The following NID2 variants were observed in gnomAD, a reference collection of about 807,000 sequenced individuals.
NID2 encodes the protein nidogen-2.
A neutral mutation model predicts 145.4 loss-of-function variants in NID2; 83 were observed. That is an observed-to-expected ratio of 0.57 (90% CI 0.48 to 0.69). The LOEUF (loss-of-function observed/expected upper bound fraction) is 0.69. Ranked by LOEUF, NID2 falls within the 30% of genes least tolerant of loss-of-function variation. The pLI is 0.00. For missense variants in NID2, 1,807 were observed against 1,765.7 expected, an observed-to-expected ratio of 1.02 and a Z score of -0.42; for synonymous variants, 739 against 701.3, an observed-to-expected ratio of 1.05 and a Z score of -0.85.
In NID2 at chr14:52,033,049, T is replaced by G. The variant is rs75658396; in HGVS notation, c.2258-3359A>C. 5.2e-3 allele frequency among the ~76,000 whole-genome samples: 793 copies of G among 152,342 alleles called. 11 individuals carry two copies. The highest frequency in any genetic ancestry group is 0.018 in the African/African-American group (755 of 41,568). On this transcript the variant is annotated intron_variant, in intron 9 of 21. Coordinates refer to ENST00000216286, the MANE Select transcript of NID2 (RefSeq NM_007361.4). ...GAGCACAGGGCCCCATTCACTGAAC[T>G]TGGCTTCCCAAAACATTTTTAAAAT...
At chr14:52,005,981 G>A (rs1032777162) in intron 20 of NID2, 132 bp from the exon 21 acceptor site, 1 of 662,978 alleles carries the variant, frequency 1.5e-6, no homozygotes, top group Admixed American at 2.2e-5. Context: ...TGGTGCTAAA[G>A]CCATACTGAA....
Position 52,028,729 on chromosome 14 carries a change from A to T in NID2, c.2523T>A (p.Thr841=), listed in dbSNP as rs1193093422. 1 of 1,611,246 alleles carries T rather than the reference A, an allele frequency of 6.2e-7. No individual in the cohort carries two copies. Among genetic ancestry groups the T allele is most frequent in the East Asian group, 2.2e-5 (1 of 44,796 alleles). The change falls in exon 11 of 22, where the codon ACT becomes ACA. Residue 841 remains threonine, a synonymous_variant. Transcript: ENST00000216286. ...AATGATTTTGGAACTCACAGATGCA[A>T]GTATGCCGGTCATCTGCAAACTCAT... ...SGYEFADDRH[T]CILITPPANP...
chr14:52,028,600 GTCT>G (rs1891681048), intron 11 of NID2, 119 bp downstream of exon 11: 3 of 1,143,048 alleles, frequency 2.6e-6, no homozygotes, highest in South Asian at 1.7e-5. Context: ...GATGTAAACT[GTCT>G]TCTTAAGAAA....
At position 52,067,933 on chromosome 14, in the gene NID2, G is replaced by A. The variant is rs1203348496; in HGVS notation, c.459C>T (p.Thr153=). The change falls in exon 2 of 22, where the codon ACC becomes ACT. Residue 153 remains threonine, a synonymous_variant. Coordinates refer to ENST00000216286, the MANE Select transcript of NID2 (RefSeq NM_007361.4). ...GCTCCCAGGTGGCCAGGAAGGCGTGGGTGGGGGTAAAGCGCGCAGAGCGCG... is the reference window on the plus strand; with the variant it reads ...GCTCCCAGGTGGCCAGGAAGGCGTGAGTGGGGGTAAAGCGCGCAGAGCGCG... ...GFPRSARFTP[T]HAFLATWEQV... 1 of 1,612,622 alleles carries A rather than the reference G, an allele frequency of 6.2e-7. No individual in the cohort carries two copies. The highest frequency in any genetic ancestry group is 2.2e-5 in the East Asian group (1 of 44,876).
intron 11 of NID2, among the ~76,000 whole-genome samples, chr14:52,027,665 C>CACACAA (rs2140373426): frequency 6.7e-6 from 1 of 150,044 alleles, no homozygotes; most frequent in South Asian, 2.1e-4. Context: ...CACACACACA[C>CACACAA]ACGCAGTTTC....
At chr14:52,006,280 T>G in intron 20 of NID2, 2 of 445,440 alleles carry the variant, frequency 4.5e-6, no homozygotes, top group South Asian at 5.4e-5. Flanking sequence ...TGAGACATTA[T>G]CCAATAGCTT....
intron 12 of NID2, 105 bp downstream of exon 12, chr14:52,027,096 A>G: frequency 8.4e-7 from 1 of 1,186,876 alleles, no homozygotes; most frequent in South Asian, 2.3e-5. Context: ...CAAGGCTGTT[A>G]GAGTCAAAGG....
chr14:52,019,372 C>T (rs922445041), intron 13 of NID2, 78 bp from the exon 14 acceptor site: 67 of 1,194,048 alleles, frequency 5.6e-5, no homozygotes, highest in Middle Eastern at 2.1e-4. Flanking sequence ...CAGCCCACAG[C>T]GTGGCATGGA....
At position 52,020,114 on chromosome 14, in the gene NID2, G is replaced by A. The variant is rs1268495337; in HGVS notation, c.2739C>T (p.Ser913=). ...ATCCGGGTTGACAACGGCAGGAGAA[G>A]GAACCAGGAGTATTGTAGCAGGTAG... ...PAATCYNTPG[S]FSCRCQPGYY... Residue 913 remains serine (S), a synonymous_variant, in exon 13 of 22, where the codon TCC becomes TCT. Coordinates refer to ENST00000216286, the MANE Select transcript of NID2 (RefSeq NM_007361.4). The A allele has an allele frequency of 3.7e-6, 6 of 1,614,170 alleles. No homozygotes were observed. Among genetic ancestry groups the A allele is most frequent in the Admixed American group, 1.7e-5 (1 of 60,028 alleles).
At chr14:52,056,758 C>T (rs546770888) in intron 3 of NID2, among the ~76,000 whole-genome samples, 5 of 152,244 alleles carry the variant, frequency 3.3e-5, no homozygotes, top group Admixed American at 2.6e-4. Flanking sequence ...TGCCACTGCA[C>T]TCCAGCCTGG....
In NID2 at chr14:52,039,049, G is replaced by A. The variant is rs980424141; in HGVS notation, c.2027-72C>T. The A allele has an allele frequency of 1.1e-5, 11 of 1,038,858 alleles. No homozygotes were observed. The African/African-American group carries it at 1.8e-4, about 17-fold the overall frequency. The allele number at this position is 1,038,858 out of a possible 1,614,324, so 64.4% of individuals were successfully genotyped here. On this transcript the variant is annotated intron_variant, in intron 8 of 21. Transcript: ENST00000216286. ...ATTTTCATGTGAGGTGGATTTTTCT[G>A]CAGTTTTTTTCATCTAATTCTTGGA...
At chr14:52,047,477 G>A (rs1892544175) in intron 5 of NID2, among the ~76,000 whole-genome samples, 1 of 152,164 alleles carries the variant, frequency 6.6e-6, no homozygotes, top group Non-Finnish European at 1.5e-5. Flanking sequence ...GAGATCACAG[G>A]AAGGATTTGA....
At chr14:52,005,661 A>G (rs1890745499) in intron 21 of NID2, 76 bp downstream of exon 21, 29 of 1,384,014 alleles carry the variant, frequency 2.1e-5, no homozygotes, top group Non-Finnish European at 3.0e-5. Context: ...CACAGGCAGC[A>G]GGGGTAATCA....
At chr14:52,014,568 G>T in intron 15 of NID2, 112 bp from the exon 16 acceptor site, 1 of 1,106,332 alleles carries the variant, frequency 9.0e-7, no homozygotes, top group Non-Finnish European at 1.3e-6. Flanking sequence ...AAAGTTCTTC[G>T]CCCTACGCAG....
intron 14 of NID2, among the ~76,000 whole-genome samples, chr14:52,017,905 G>T (rs1891271195): frequency 6.6e-6 from 1 of 152,062 alleles, no homozygotes; most frequent in Admixed American, 6.5e-5. Context: ...TGCAACCTCT[G>T]CCTCCTGGGT....
chr14:52,023,325 A>G (rs1174323470), intron 12 of NID2, among the ~76,000 whole-genome samples: 1 of 139,432 alleles, frequency 7.2e-6, no homozygotes, highest in Non-Finnish European at 1.5e-5. Flanking sequence ...AGAGATACCA[A>G]AATTAGCTGG....
At chr14:52,029,495 G>A (rs535465910) in intron 10 of NID2, 52 bp downstream of exon 10, 59 of 1,568,108 alleles carry the variant, frequency 3.8e-5, no homozygotes, top group Non-Finnish European at 5.1e-5. Context: ...GCTGGGGAGG[G>A]CAGAGGAAAA....
At chr14:52,033,431 C>T (rs1891943947) in intron 9 of NID2, among the ~76,000 whole-genome samples, 3 of 152,138 alleles carry the variant, frequency 2.0e-5, no homozygotes, top group Non-Finnish European at 4.4e-5. Flanking sequence ...ACAGCTGACT[C>T]ACACTTAAAG....
chr14:52,012,579 C>T (rs952788066), intron 16 of NID2, among the ~76,000 whole-genome samples: 11 of 143,728 alleles, frequency 7.7e-5, no homozygotes, highest in African/African-American at 2.8e-4. Context: ...GCCTGGGCAA[C>T]ACAGAGCTAC....
Sources: allele counts gnomAD v4.1 joint callset (sites outside exome capture counted in the v4.1 genomes callset), GRCh38; gene constraint gnomAD v4.1.1; transcripts MANE v1.5; gene names NCBI Gene and HGNC (gene_info 2026-07-23, HGNC 2026-07-21).